Variants in PLD5 observed in about 807,000 individuals in gnomAD.
The protein encoded by PLD5 is inactive phospholipase D5.
A neutral mutation model predicts 61.1 loss-of-function variants in PLD5; 36 were observed. The observed-to-expected ratio is 0.59, with a 90% CI of 0.45 to 0.78. PLD5 has a LOEUF of 0.78. Among genes scored for constraint, PLD5 ranks in the 30% least tolerant of loss-of-function variants. The pLI, the probability that PLD5 is intolerant of heterozygous loss-of-function variation, is 0.00. For synonymous variants in PLD5, 243 were observed against 242.8 expected, an observed-to-expected ratio of 1.00 and a Z score of -0.01; for missense variants, 515 against 644.4, an observed-to-expected ratio of 0.80 and a Z score of 2.17.
rs532547743 is a variant in PLD5, at chr1:242,522,745, A to G, written c.189+1343T>C. On this transcript the variant is annotated intron_variant, in intron 1 of 9. Transcript: ENST00000536534. ...CCCCTTCACTAATTCTGGAGAGGGC[A>G]TGTTTAATGGATACGTTGCCTTTCA... is the stretch of plus-strand genomic sequence containing the variant. 2.1e-4 allele frequency among the ~76,000 whole-genome samples: 32 copies of G among 152,326 alleles called. 1 individual carries two copies. In the South Asian group the frequency reaches 6.2e-3, roughly 30 times the overall value.
chr1:242,519,793 C>T (rs2103010891), intron 1 of PLD5, among the ~76,000 whole-genome samples: 1 of 152,294 alleles, frequency 6.6e-6, no homozygotes, highest in African/African-American at 2.4e-5. Context: ...GCATAACAGG[C>T]CCAAGACAGT....
At chr1:242,211,657 G>A (rs1284050726) in intron 5 of PLD5, among the ~76,000 whole-genome samples, 2 of 152,104 alleles carry the variant, frequency 1.3e-5, no homozygotes, top group Non-Finnish European at 2.9e-5. Context: ...AGGTCTGTAG[G>A]ACAGACCCCC....
Position 242,494,880 on chromosome 1 carries a change from G to GT in PLD5, c.189+29207dup, listed in dbSNP as rs575152311. Among the ~76,000 whole-genome samples the GT allele has an allele frequency of 6.3e-3, 868 of 137,178 alleles. 9 individuals are homozygous for GT. Among genetic ancestry groups the GT allele is most frequent in the Middle Eastern group, 0.022 (6 of 270 alleles). 90.0% of individuals were successfully genotyped at this position (137,178 alleles called of 152,430 possible). On this transcript the variant is annotated intron_variant, in intron 1 of 9. Transcript: ENST00000536534. ...AACCCCCAATTTTTTTTTCTTTTCT[G>GT]TTTTTTTTTTTTTGCTGTTTTGTCC...
rs181994373 is a variant in PLD5 at position 242,217,789 on chromosome 1, G to C, written c.735+2199C>G. Among the ~76,000 whole-genome samples, 5 of 152,312 alleles carry C rather than the reference G, an allele frequency of 3.3e-5. No individual in the cohort carries two copies. The East Asian group carries it at 9.6e-4, about 29-fold the overall frequency. ...GGAAATAACAAGAGAACTAGAATTA[G>C]AAGGGGAGCCTAAAGATGTGGCTGA... On this transcript the variant is annotated intron_variant, in intron 5 of 9. Transcript: ENST00000536534.
intron 1 of PLD5, among the ~76,000 whole-genome samples, chr1:242,400,900 G>A (rs1254455767): frequency 6.6e-6 from 1 of 152,170 alleles, no homozygotes; most frequent in Non-Finnish European, 1.5e-5. Context: ...CAAATAGAAT[G>A]AAAGAACCAG....
At chr1:242,187,171 C>T (rs1336067282) in intron 5 of PLD5, among the ~76,000 whole-genome samples, 2 of 152,192 alleles carry the variant, frequency 1.3e-5, no homozygotes, top group African/African-American at 4.8e-5. Context: ...AGGGGACCCC[C>T]ATTCCTCAAT....
intron 1 of PLD5, among the ~76,000 whole-genome samples, chr1:242,377,670 C>T (rs966245512): frequency 6.6e-6 from 1 of 151,928 alleles, no homozygotes; most frequent in Non-Finnish European, 1.5e-5. Context: ...ATAAATAAAA[C>T]AAACAACAAA....
At chr1:242,341,459 A>C (rs559523725) in intron 2 of PLD5, among the ~76,000 whole-genome samples, 1 of 151,862 alleles carries the variant, frequency 6.6e-6, no homozygotes, top group East Asian at 1.9e-4. Context: ...ATGATAGGTC[A>C]GAGGAAGAGA....
At chr1:242,164,240 T>C (rs1666133026) in intron 5 of PLD5, among the ~76,000 whole-genome samples, 1 of 151,858 alleles carries the variant, frequency 6.6e-6, no homozygotes, top group Non-Finnish European at 1.5e-5. Flanking sequence ...TTCTTGGAAA[T>C]AAAATCTTCC....
intron 5 of PLD5, among the ~76,000 whole-genome samples, chr1:242,146,560 C>T (rs769136481): frequency 1.3e-5 from 2 of 152,074 alleles, no homozygotes; most frequent in Non-Finnish European, 2.9e-5. Context: ...GCATGCCATA[C>T]ACTTGAAGAA....
At chr1:242,283,271 A>G (rs1018317372) in intron 3 of PLD5, among the ~76,000 whole-genome samples, 1 of 152,238 alleles carries the variant, frequency 6.6e-6, no homozygotes, top group Non-Finnish European at 1.5e-5. Flanking sequence ...TCCTGTTAGT[A>G]GCAACCATCA....
intron 1 of PLD5, among the ~76,000 whole-genome samples, chr1:242,486,800 T>A (rs1367365411): frequency 6.6e-6 from 1 of 152,090 alleles, no homozygotes; most frequent in Non-Finnish European, 1.5e-5. Flanking sequence ...AGCAAAGACT[T>A]GGAACCAACC....
chr1:242,389,374 C>T (rs889274504), intron 1 of PLD5, among the ~76,000 whole-genome samples: 7 of 151,902 alleles, frequency 4.6e-5, no homozygotes, highest in African/African-American at 1.7e-4. Flanking sequence ...AAAAGGTTTT[C>T]GTTATCCAAA....
At chr1:242,506,987 T>C (rs1232925808) in intron 1 of PLD5, among the ~76,000 whole-genome samples, 1 of 152,106 alleles carries the variant, frequency 6.6e-6, no homozygotes, top group Non-Finnish European at 1.5e-5. Context: ...TAGCAGCACG[T>C]GTCATGCCAA....
rs368359558 is a variant in PLD5 at position 242,163,344 on chromosome 1, T to G, written c.736-38679A>C. ...ATTTTTAGCACAGACGGGGTTTCAC[T>G]GTGTTAGCCAGGATGGTCTCCATCT... On this transcript the variant is annotated intron_variant, in intron 5 of 9. Coordinates refer to ENST00000536534, the MANE Select transcript of PLD5 (RefSeq NM_001372062.1). 4.3e-4 allele frequency among the ~76,000 whole-genome samples: 66 copies of G among 151,814 alleles called. 1 individual carries two copies. The highest frequency in any genetic ancestry group is 1.6e-3 in the African/African-American group (64 of 41,206).
intron 1 of PLD5, among the ~76,000 whole-genome samples, chr1:242,470,258 C>G (rs1358813459): frequency 6.6e-6 from 1 of 151,502 alleles, no homozygotes; most frequent in Non-Finnish European, 1.5e-5. Flanking sequence ...AGGAGAATGG[C>G]GTGAACCCCG....
At chr1:242,354,430 G>A (rs552536401) in intron 1 of PLD5, among the ~76,000 whole-genome samples, 15 of 152,254 alleles carry the variant, frequency 9.9e-5, no homozygotes, top group South Asian at 6.2e-4. Flanking sequence ...TAAGTCAGCC[G>A]TGCTCTTCAA....
Position 242,377,067 on chromosome 1 carries a change from TC to T in PLD5, c.190-28826del. ...TGACACGGTGCCATCAGGGGAGTCATCCTCGTGGCTGGGTTTGTTCTCCTGT... is the reference window on the plus strand; with the variant it reads ...TGACACGGTGCCATCAGGGGAGTCATCTCGTGGCTGGGTTTGTTCTCCTGT... On this transcript the variant is annotated intron_variant, in intron 1 of 9. Transcript: ENST00000536534. 4 of 1,611,782 alleles carry T rather than the reference TC, an allele frequency of 2.5e-6. No homozygotes were observed. The South Asian group carries it at 3.3e-5, about 13-fold the overall frequency.
chr1:242,282,991 A>G (rs1211334210), intron 3 of PLD5, among the ~76,000 whole-genome samples: 2 of 152,224 alleles, frequency 1.3e-5, no homozygotes, highest in Non-Finnish European at 2.9e-5. Context: ...ACAGAAGGAA[A>G]CAAACACAAA....
Sources: gnomAD v4.1 joint callset for allele counts (sites outside exome capture counted in the v4.1 genomes callset) on GRCh38, gnomAD v4.1.1 for gene constraint, MANE v1.5 for transcripts, NCBI Gene and HGNC (gene_info 2026-07-23, HGNC 2026-07-21) for gene names.